The following DENND1A variants were observed in gnomAD, a reference collection of about 807,000 sequenced individuals.
DENND1A encodes DENN domain containing 1A.
DENND1A carries 51 observed loss-of-function variants against 113.7 expected under a neutral mutation model. The ratio of observed to expected loss-of-function variants is 0.45; its 90% CI spans 0.36 to 0.57. The LOEUF (loss-of-function observed/expected upper bound fraction) is 0.57, where lower values mean the gene tolerates loss of function less well. Among genes scored for constraint, DENND1A ranks in the 20% least tolerant of loss-of-function variants. The pLI, the probability that DENND1A is intolerant of heterozygous loss-of-function variation, is 0.00. For synonymous variants in DENND1A, 565 were observed against 570.8 expected (o/e 0.99, Z 0.14); for missense variants, 1,258 against 1,395.9 (o/e 0.90, Z 1.57).
At chr9:123,781,437 T>C (rs1372152946) in intron 3 of DENND1A, among the ~76,000 whole-genome samples, 1 of 152,168 alleles carries the variant, frequency 6.6e-6, no homozygotes, top group Non-Finnish European at 1.5e-5. Context: ...GTTTTATCAC[T>C]GGACTTCAGG....
intron 13 of DENND1A, among the ~76,000 whole-genome samples, chr9:123,517,694 C>T (rs1310249801): frequency 6.6e-6 from 1 of 151,956 alleles, no homozygotes; most frequent in African/African-American, 2.4e-5. Context: ...TAAACTGTGG[C>T]ACAGTGAGGC....
intron 13 of DENND1A, among the ~76,000 whole-genome samples, chr9:123,513,550 C>T (rs10986034): frequency 0.096 from 14,630 of 152,244 alleles, 728 homozygotes; most frequent in South Asian, 0.13. Flanking sequence ...GGTCTGAGGA[C>T]GCCAGAGCGG....
At chr9:123,444,994 G>C (rs1281517825) in intron 18 of DENND1A, among the ~76,000 whole-genome samples, 1 of 152,320 alleles carries the variant, frequency 6.6e-6, no homozygotes, top group South Asian at 2.1e-4. Context: ...AGAGAGTTAC[G>C]GGGGTCCTGC....
At chr9:123,676,867 T>A in intron 5 of DENND1A, 78 bp from the exon 6 acceptor site, 2 of 1,351,782 alleles carry the variant, frequency 1.5e-6, no homozygotes, top group Non-Finnish European at 2.1e-6. Context: ...TCAAGACTGA[T>A]ACATTTCAGT....
chr9:123,432,340 A>G (rs1412892024), intron 19 of DENND1A, among the ~76,000 whole-genome samples: 1 of 152,222 alleles, frequency 6.6e-6, no homozygotes, highest in Non-Finnish European at 1.5e-5. Flanking sequence ...ACGTGGAAAG[A>G]CAGGCCTAGC....
chr9:123,420,614 T>A (rs955030815), intron 19 of DENND1A, among the ~76,000 whole-genome samples: 1 of 152,142 alleles, frequency 6.6e-6, no homozygotes, highest in African/African-American at 2.4e-5. Context: ...CTGAAAGACA[T>A]CTCAGACTGG....
In DENND1A at chr9:123,395,468, C is replaced by CTCTGTGTGTGTGTGTGTGTG. The variant is rs367751848; in HGVS notation, c.1632-7611_1632-7610insCACACACACACACACACAGA. On this transcript the variant is annotated intron_variant, in intron 21 of 23. Transcript: ENST00000394215. ...AGGGCCCAGAATCTACTCTCTCTCT[C>CTCTGTGTGTGTGTGTGTGTG]TGTGTGTGTGTGTGTGTGTGTGTGT... Among the ~76,000 whole-genome samples the CTCTGTGTGTGTGTGTGTGTG allele has an allele frequency of 2.4e-3, 348 of 142,978 alleles. 3 individuals carry two copies. The highest frequency in any genetic ancestry group is 7.9e-3 in the African/African-American group (290 of 36,820). 93.8% of individuals were successfully genotyped at this position (142,978 alleles called of 152,430 possible).
chr9:123,777,910 G>C (rs1830695538), intron 3 of DENND1A, among the ~76,000 whole-genome samples: 1 of 152,112 alleles, frequency 6.6e-6, no homozygotes, highest in Non-Finnish European at 1.5e-5. Context: ...TTACAGAACT[G>C]TTTCAAATCA....
At chr9:123,667,000 A>AT (rs780044316) in intron 8 of DENND1A, 26 bp downstream of exon 8, 12 of 1,569,678 alleles carry the variant, frequency 7.6e-6, no homozygotes, top group Admixed American at 2.0e-5. Flanking sequence ...TAAAAATTTA[A>AT]TTTTTTCTTC....
At chr9:123,652,435 T>C in intron 8 of DENND1A, 1 of 236,736 alleles carries the variant, frequency 4.2e-6, no homozygotes, top group Non-Finnish European at 8.3e-6. Context: ...ATCTTACAAA[T>C]GAGGAAACCA....
intron 8 of DENND1A, among the ~76,000 whole-genome samples, chr9:123,656,093 G>A (rs1444179182): frequency 2.6e-5 from 4 of 152,236 alleles, no homozygotes; most frequent in Non-Finnish European, 4.4e-5. Flanking sequence ...GATATGCAGG[G>A]GAAGGCTGGA....
At chr9:123,463,934 A>G (rs2048734751) in intron 13 of DENND1A, among the ~76,000 whole-genome samples, 1 of 151,276 alleles carries the variant, frequency 6.6e-6, no homozygotes. Context: ...TTAAAAATAA[A>G]AAAACAAATA....
At chr9:123,662,884 T>G (rs922483259) in intron 8 of DENND1A, among the ~76,000 whole-genome samples, 6 of 152,080 alleles carry the variant, frequency 3.9e-5, no homozygotes, top group Admixed American at 3.3e-4. Flanking sequence ...TGTTTCGGGG[T>G]GGGGAGTGTT....
chr9:123,866,557 C>A (rs1288355196), intron 2 of DENND1A, among the ~76,000 whole-genome samples: 1 of 152,188 alleles, frequency 6.6e-6, no homozygotes, highest in Non-Finnish European at 1.5e-5. Flanking sequence ...TACATAAATT[C>A]TATCACAAAA....
intron 1 of DENND1A, among the ~76,000 whole-genome samples, chr9:123,929,085 G>A (rs570664082): frequency 6.6e-6 from 1 of 152,282 alleles, no homozygotes; most frequent in Non-Finnish European, 1.5e-5. Flanking sequence ...AAATTGGACC[G>A]CTTAAGAGTT....
At chr9:123,768,703 C>G (rs1829229050) in intron 4 of DENND1A, among the ~76,000 whole-genome samples, 1 of 151,314 alleles carries the variant, frequency 6.6e-6, no homozygotes, top group African/African-American at 2.4e-5. Context: ...ATGTAAAAAA[C>G]TAATGATTCA....
intron 13 of DENND1A, among the ~76,000 whole-genome samples, chr9:123,530,850 A>G (rs1234114133): frequency 6.6e-6 from 1 of 152,200 alleles, no homozygotes; most frequent in African/African-American, 2.4e-5. Flanking sequence ...GAGATTAACA[A>G]TAATTAATAA....
chr9:123,399,765 T>C (rs2043331046), intron 21 of DENND1A, among the ~76,000 whole-genome samples: 1 of 152,216 alleles, frequency 6.6e-6, no homozygotes, highest in Non-Finnish European at 1.5e-5. Context: ...AGACTAAAGA[T>C]GAACCCTGAA....
At chr9:123,861,036 T>C (rs1307500631) in intron 2 of DENND1A, among the ~76,000 whole-genome samples, 1 of 152,208 alleles carries the variant, frequency 6.6e-6, no homozygotes, top group Non-Finnish European at 1.5e-5. Context: ...GGCCTTAAAC[T>C]GCAAAGTTCA....
Sources: allele counts gnomAD v4.1 joint callset (sites outside exome capture counted in the v4.1 genomes callset), GRCh38; gene constraint gnomAD v4.1.1; transcripts MANE v1.5; gene names NCBI Gene and HGNC (gene_info 2026-07-23, HGNC 2026-07-21).